The following TSR2 variants were observed in gnomAD, a reference collection of about 807,000 sequenced individuals.
TSR2 encodes the protein pre-rRNA-processing protein TSR2 homolog.
A neutral mutation model predicts 13.3 loss-of-function variants in TSR2; 1 was observed. The ratio of observed to expected loss-of-function variants is 0.08; its 90% CI spans 0.03 to 0.36. The LOEUF is 0.36. TSR2 is among the 10% of genes least tolerant of loss of function. TSR2 has a pLI of 0.99. For missense variants in TSR2, 120 were observed against 151.1 expected, an observed-to-expected ratio of 0.79 and a Z score of 1.08; for synonymous variants, 60 against 57.7, an observed-to-expected ratio of 1.04 and a Z score of -0.18.
chrX:54,445,853 A>G lies in TSR2; in HGVS notation c.*1303A>G, dbSNP rs1322670207. ...GGGAGAAAAACGACCTAATTCAGGT[A>G]GGACTGGCAACGGCTCCCACCCTCC... On this transcript the variant is annotated 3_prime_UTR_variant, in exon 5 of 5. Transcript: ENST00000375151. 2.7e-6 allele frequency: 1 copy of G among 365,833 alleles called. No individual in the cohort carries two copies. The highest frequency in any genetic ancestry group is 4.7e-6 in the Non-Finnish European group (1 of 213,978). The allele number at this position is 365,833 out of a possible 1,213,427, so 30.1% of individuals were successfully genotyped here.
In TSR2 at chrX:54,446,983, C is replaced by CAA. The variant is rs766803203; in HGVS notation, c.*2434_*2435insAA. 3.1e-4 allele frequency among the ~76,000 whole-genome samples: 35 copies of CAA among 111,270 alleles called. No individual in the cohort carries two copies. The highest frequency in any genetic ancestry group is 6.0e-4 in the Non-Finnish European group (32 of 53,043). On this transcript the variant is annotated 3_prime_UTR_variant, in exon 5 of 5. Coordinates refer to ENST00000375151, the MANE Select transcript of TSR2 (RefSeq NM_058163.3). Reference sequence around the variant, plus strand: ...AGGTGAGCCACCTGCCTCGGCCTCTCAGAGTGCTGGGATTACAGGCGTGAG... The same window carrying CAA: ...AGGTGAGCCACCTGCCTCGGCCTCTCAAAGAGTGCTGGGATTACAGGCGTGAG...
intron 2 of TSR2, among the ~76,000 whole-genome samples, chrX:54,441,706 G>T (rs1046880542): frequency 9.0e-6 from 1 of 111,075 alleles, no homozygotes; most frequent in African/African-American, 3.3e-5. Flanking sequence ...GTAGCAGGGA[G>T]CTCAGTATTG....
Position 54,445,459 on chromosome X carries a change from G to C in TSR2, c.*909G>C, listed in dbSNP as rs1300340210. 9.2e-6 allele frequency: 1 copy of C among 108,285 alleles called. No individual in the cohort carries two copies. The highest frequency in any genetic ancestry group is 9.9e-5 in the Admixed American group (1 of 10,056). 8.9% of individuals were successfully genotyped at this position (108,285 alleles called of 1,213,427 possible). On this transcript the variant is annotated 3_prime_UTR_variant, in exon 5 of 5. Transcript: ENST00000375151. Reference sequence around the variant, plus strand: ...GCACAGCAGTGCTATGAAAGTTACTGTAAGCCTGAAATAAACTGTATTTTT... The same window carrying C: ...GCACAGCAGTGCTATGAAAGTTACTCTAAGCCTGAAATAAACTGTATTTTT...
intron 2 of TSR2, among the ~76,000 whole-genome samples, chrX:54,441,345 G>T (rs920176854): frequency 4.5e-5 from 5 of 111,965 alleles, no homozygotes; most frequent in African/African-American, 9.7e-5. Flanking sequence ...GGCTCGTCTT[G>T]AGGGATATAC....
Position 54,446,470 on chromosome X carries a change from C to A in TSR2, c.*1920C>A. ...CCTTGGGGCTAGACCTTTCCCCCGC[C>A]CCAGCTTCTAACTGGTTTTGCATAT... On this transcript the variant is annotated 3_prime_UTR_variant, in exon 5 of 5. Coordinates refer to ENST00000375151, the MANE Select transcript of TSR2 (RefSeq NM_058163.3). The A allele has an allele frequency of 1.8e-6, 2 of 1,108,256 alleles. No individual in the cohort carries two copies. The highest frequency in any genetic ancestry group is 3.9e-5 in the South Asian group (2 of 51,295). The allele number at this position is 1,108,256 out of a possible 1,213,427, so 91.3% of individuals were successfully genotyped here. A position where few individuals can be genotyped will look rare whatever the true frequency, so the allele number is the denominator to read the frequency against.
chrX:54,445,983 G>A lies in TSR2; in HGVS notation c.*1433G>A, dbSNP rs1056539734. On this transcript the variant is annotated 3_prime_UTR_variant, in exon 5 of 5. Coordinates refer to ENST00000375151, the MANE Select transcript of TSR2 (RefSeq NM_058163.3). ...TTAAAAAACCCAAGACCCAGCATTC[G>A]GGATTGAAAGTGCCCGTGATGGGAG... 2 of 493,809 alleles carry A rather than the reference G, an allele frequency of 4.1e-6. No homozygotes were observed. Among genetic ancestry groups the A allele is most frequent in the South Asian group, 3.6e-5 (1 of 27,430 alleles). 40.7% of individuals were successfully genotyped at this position (493,809 alleles called of 1,213,427 possible).
chrX:54,441,139 A>G lies in TSR2; in HGVS notation c.172+359A>G, dbSNP rs1921919059. 3.5e-5 allele frequency among the ~76,000 whole-genome samples: 4 copies of G among 112,809 alleles called. No homozygotes were observed. In the South Asian group the frequency reaches 1.5e-3, roughly 41 times the overall value. ...ATAAAGCAAAAAGCAGATGAAATCA[A>G]TGTTAGTAAACTCGGTGTGTATGAA... On this transcript the variant is annotated intron_variant, in intron 2 of 4. Coordinates refer to ENST00000375151, the MANE Select transcript of TSR2 (RefSeq NM_058163.3).
chrX:54,443,024 AGG>A (rs1569540792), intron 2 of TSR2, among the ~76,000 whole-genome samples: 1 of 111,525 alleles, frequency 9.0e-6, no homozygotes, highest in Non-Finnish European at 1.9e-5. Context: ...CATAGAGGGG[AGG>A]CTAGTTAGAA....
rs760250901 is a variant in TSR2, at chrX:54,446,184, C to T, written c.*1634C>T. On this transcript the variant is annotated 3_prime_UTR_variant, in exon 5 of 5. Transcript: ENST00000375151. ...CTAAAGCAGCCACCGGTGCCTCCTCCATCTCCCTGTCCTCAGACAGTGTGG... is the reference window on the plus strand; with the variant it reads ...CTAAAGCAGCCACCGGTGCCTCCTCTATCTCCCTGTCCTCAGACAGTGTGG... The T allele has an allele frequency of 8.3e-7, 1 of 1,211,445 alleles. No individual in the cohort carries two copies. Among genetic ancestry groups the T allele is most frequent in the Non-Finnish European group, 1.1e-6 (1 of 895,261 alleles).
intron 2 of TSR2, among the ~76,000 whole-genome samples, chrX:54,441,412 TC>T (rs1242152080): frequency 1.8e-5 from 2 of 111,893 alleles, no homozygotes; most frequent in Admixed American, 9.5e-5. Context: ...AAAAAAATCT[TC>T]ATTCAATTTC....
At position 54,447,952 on chromosome X, in the gene TSR2, A is replaced by G. The variant is rs1922274297; in HGVS notation, c.*3402A>G. Among the ~76,000 whole-genome samples the G allele has an allele frequency of 9.0e-6, 1 of 111,679 alleles. No individual in the cohort carries two copies. The highest frequency in any genetic ancestry group is 3.3e-5 in the African/African-American group (1 of 30,720). On this transcript the variant is annotated 3_prime_UTR_variant, in exon 5 of 5. Transcript: ENST00000375151. ...GAGAATTAAATGAATTAATATATGC[A>G]AAGTGCTTAGAATAGTTCCTGGCAC... is the stretch of plus-strand genomic sequence containing the variant.
At chrX:54,441,969 TA>T (rs1364317270) in intron 2 of TSR2, among the ~76,000 whole-genome samples, 1 of 112,102 alleles carries the variant, frequency 8.9e-6, no homozygotes, top group Non-Finnish European at 1.9e-5. Context: ...ATGAACATAT[TA>T]AAGGCTTGGG....
rs1297753151 is a variant in TSR2 at position 54,447,883 on chromosome X, C to G, written c.*3333C>G. Reference sequence around the variant, plus strand: ...TGAAGTCTGGCTTAGAATCCCAGCTCTAGATGAAAATGTATTGACTTGGAG... The same window carrying G: ...TGAAGTCTGGCTTAGAATCCCAGCTGTAGATGAAAATGTATTGACTTGGAG... On this transcript the variant is annotated 3_prime_UTR_variant, in exon 5 of 5. Transcript: ENST00000375151. 8.9e-6 allele frequency among the ~76,000 whole-genome samples: 1 copy of G among 111,838 alleles called. No individual in the cohort carries two copies. Among genetic ancestry groups the G allele is most frequent in the African/African-American group, 3.3e-5 (1 of 30,758 alleles).
Position 54,440,730 on chromosome X carries a change from A to G in TSR2, c.122A>G (p.Glu41Gly). The change falls in exon 2 of 5, where the codon GAG becomes GGG. Residue 41 changes from glutamate (E) to glycine (G), a missense_variant. This residue lies in a region of TSR2 where 53 missense variants were observed against 52.3 expected (regional missense o/e 1.01). Coordinates refer to ENST00000375151, the MANE Select transcript of TSR2 (RefSeq NM_058163.3). ...GGCTTCGGGGGTGTGCACAGCCAGGAGAAGGCCAAGTGGCTGGGGGGTGCA... is the reference window on the plus strand; with the variant it reads ...GGCTTCGGGGGTGTGCACAGCCAGGGGAAGGCCAAGTGGCTGGGGGGTGCA... ...ENGFGGVHSQ[E>G]KAKWLGGAVE... The G allele has an allele frequency of 8.3e-7, 1 of 1,208,979 alleles. No individual in the cohort carries two copies. Among genetic ancestry groups the G allele is most frequent in the Non-Finnish European group, 1.1e-6 (1 of 894,260 alleles).
intron 1 of TSR2, 66 bp from the exon 2 acceptor site, chrX:54,440,624 G>A: frequency 1.7e-6 from 2 of 1,151,008 alleles, no homozygotes; most frequent in Non-Finnish European, 2.4e-6. Flanking sequence ...GGCGGCGTAA[G>A]CGGCCTCCAG....
Position 54,447,582 on chromosome X carries a change from A to G in TSR2, c.*3032A>G, listed in dbSNP as rs192659061. Reference sequence around the variant, plus strand: ...ATGAAGACGCTCAAGCTCAGGTGGCAGGAGTGATTTGTCCAGTGCCACCCA... The same window carrying G: ...ATGAAGACGCTCAAGCTCAGGTGGCGGGAGTGATTTGTCCAGTGCCACCCA... On this transcript the variant is annotated 3_prime_UTR_variant, in exon 5 of 5. Coordinates refer to ENST00000375151, the MANE Select transcript of TSR2 (RefSeq NM_058163.3). 2,867 of 736,342 alleles carry G rather than the reference A, an allele frequency of 3.9e-3. 45 individuals are homozygous for G. In the African/African-American group the frequency reaches 0.053, roughly 14 times the overall value. 60.7% of individuals were successfully genotyped at this position (736,342 alleles called of 1,213,427 possible).
chrX:54,447,245 A>G lies in TSR2; in HGVS notation c.*2695A>G. 1 of 1,127,847 alleles carries G rather than the reference A, an allele frequency of 8.9e-7. No homozygotes were observed. The highest frequency in any genetic ancestry group is 1.8e-5 in the South Asian group (1 of 54,438). 92.9% of individuals were successfully genotyped at this position (1,127,847 alleles called of 1,213,427 possible). ...CTCACCTTATCTTCCAAGGCCAAGG[A>G]GAGGTCAAGGACTGGATCTGGCTTT... On this transcript the variant is annotated 3_prime_UTR_variant, in exon 5 of 5. Transcript: ENST00000375151.
chrX:54,441,073 G>A (rs1687891727), intron 2 of TSR2, among the ~76,000 whole-genome samples: 1 of 111,762 alleles, frequency 8.9e-6, no homozygotes, highest in Non-Finnish European at 1.9e-5. Flanking sequence ...GAAATATTAT[G>A]CTAGTCACAT....
chrX:54,440,671 C>T lies in TSR2; in HGVS notation c.82-19C>T, dbSNP rs1295318285. Reference sequence around the variant, plus strand: ...TCTGCTCCCAAGCTGACTTGGTGGGCTTGGACCTGTGTTTACAGATCGCTG... The same window carrying T: ...TCTGCTCCCAAGCTGACTTGGTGGGTTTGGACCTGTGTTTACAGATCGCTG... On this transcript the variant is annotated intron_variant, in intron 1 of 4. Coordinates refer to ENST00000375151, the MANE Select transcript of TSR2 (RefSeq NM_058163.3). 2 of 1,206,750 alleles carry T rather than the reference C, an allele frequency of 1.7e-6. No individual in the cohort carries two copies. Among genetic ancestry groups the T allele is most frequent in the Non-Finnish European group, 2.2e-6 (2 of 891,559 alleles).
Sources: gnomAD v4.1 joint callset for allele counts (sites outside exome capture counted in the v4.1 genomes callset) on GRCh38, gnomAD v4.1.1 for gene constraint, gnomAD v4.1.1 regional missense constraint, MANE v1.5 for transcripts, NCBI Gene and HGNC (gene_info 2026-07-23, HGNC 2026-07-21) for gene names.